ARID1B: variants seen among roughly 807,000 people sequenced by gnomAD.
ARID1B encodes AT-rich interactive domain-containing protein 1B.
A neutral mutation model predicts 212.3 loss-of-function variants in ARID1B; 30 were observed. The ratio of observed to expected loss-of-function variants is 0.14; its 90% confidence interval spans 0.11 to 0.19. The LOEUF is 0.19. ARID1B is among the 10% of genes least tolerant of loss of function. ARID1B has a pLI of 1.00. For synonymous variants in ARID1B, 1,402 were observed against 1,301.7 expected (o/e 1.08, Z -1.66); for missense variants, 2,891 against 3,204.0 (o/e 0.90, Z 2.36).
intron 2 of ARID1B, among the ~76,000 whole-genome samples, chr6:156,832,747 G>C (rs1424913262): frequency 2.0e-5 from 3 of 152,116 alleles, no homozygotes; most frequent in Non-Finnish European, 4.4e-5. Context: ...GAGTATCACT[G>C]TTTATTTTTT....
chr6:157,160,103 C>T (rs939088175), intron 8 of ARID1B, among the ~76,000 whole-genome samples: 4 of 152,150 alleles, frequency 2.6e-5, no homozygotes, highest in Admixed American at 2.0e-4. Flanking sequence ...CAGGCTGCCT[C>T]GAAAACAGGT....
At chr6:156,973,365 CTG>C (rs960935693) in intron 4 of ARID1B, among the ~76,000 whole-genome samples, 48 of 152,208 alleles carry the variant, frequency 3.2e-4, no homozygotes, top group African/African-American at 1.1e-3. Flanking sequence ...GAAGCAGTAA[CTG>C]TTAATAAATG....
intron 4 of ARID1B, among the ~76,000 whole-genome samples, chr6:157,016,203 A>G (rs543364002): frequency 6.6e-6 from 1 of 152,306 alleles, no homozygotes; most frequent in South Asian, 2.1e-4. Context: ...TTTCACGTCA[A>G]TAATCACTGA....
intron 8 of ARID1B, 185 bp from the exon 9 acceptor site, chr6:157,166,855 T>A: frequency 1.6e-6 from 1 of 613,980 alleles, no homozygotes; most frequent in South Asian, 3.0e-5. Context: ...TGTAAAGGGG[T>A]GTATTAAAGA....
chr6:156,944,167 C>T (rs1244612190), intron 4 of ARID1B, among the ~76,000 whole-genome samples: 1 of 152,164 alleles, frequency 6.6e-6, no homozygotes, highest in African/African-American at 2.4e-5. Context: ...CTGATAAAAA[C>T]GGGCCCTTTG....
intron 7 of ARID1B, among the ~76,000 whole-genome samples, chr6:157,137,588 C>T (rs1789026322): frequency 6.6e-6 from 1 of 152,146 alleles, no homozygotes; most frequent in Admixed American, 6.6e-5. Flanking sequence ...ACTGACTATC[C>T]AGAAATACTT....
intron 4 of ARID1B, chr6:156,942,857 G>T (rs943600796): frequency 6.6e-6 from 1 of 152,238 alleles, no homozygotes; most frequent in African/African-American, 2.4e-5. Context: ...TCCAAGTTAG[G>T]TGGGAAATAG....
intron 1 of ARID1B, among the ~76,000 whole-genome samples, chr6:156,796,557 A>G (rs1015449421): frequency 1.5e-4 from 23 of 152,210 alleles, no homozygotes; most frequent in African/African-American, 5.5e-4. Flanking sequence ...TTCAGTAGTA[A>G]TGTATCATTC....
chr6:156,826,580 G>T lies in ARID1B; in HGVS notation c.1792-2647G>T, dbSNP rs531689247. ...GGAAGGCAGAGAAGGGGAAGGACCC[G>T]TGCAGCCTTGGAGTGGGAGTGCCAG... On this transcript the variant is annotated intron_variant, in intron 1 of 19. Transcript: ENST00000636930. Among the ~76,000 whole-genome samples the T allele has an allele frequency of 2.3e-3, 357 of 152,254 alleles. 2 individuals are homozygous for T. Among genetic ancestry groups the T allele is most frequent in the Non-Finnish European group, 3.6e-3 (243 of 68,006 alleles).
At chr6:156,856,802 T>TTGCCTTTGCTTAATGGTAAAATGAA (rs60089699) in intron 2 of ARID1B, among the ~76,000 whole-genome samples, 1 of 150,732 alleles carries the variant, frequency 6.6e-6, no homozygotes, top group African/African-American at 2.4e-5. Flanking sequence ...GAAAAACCCA[T>TTGCCTTTGCTTAATGGTAAAATGAA]TCAGTCATAT....
At chr6:157,183,314 AC>A (rs1792700588) in intron 12 of ARID1B, among the ~76,000 whole-genome samples, 1 of 152,120 alleles carries the variant, frequency 6.6e-6, no homozygotes, top group African/African-American at 2.4e-5. Flanking sequence ...TTTATTATAC[AC>A]CACCGAGTAC....
chr6:156,970,570 A>G (rs1333275161), intron 4 of ARID1B, among the ~76,000 whole-genome samples: 3 of 152,232 alleles, frequency 2.0e-5, no homozygotes, highest in African/African-American at 7.2e-5. Flanking sequence ...GTTCAAAACT[A>G]TTTTATTCCT....
intron 8 of ARID1B, among the ~76,000 whole-genome samples, chr6:157,156,108 G>T (rs2128657919): frequency 6.6e-6 from 1 of 152,228 alleles, no homozygotes; most frequent in Middle Eastern, 3.4e-3. Context: ...CAAAGAGAAG[G>T]GGCAAAAAAC....
chr6:156,810,804 A>C (rs1300180298), intron 1 of ARID1B, among the ~76,000 whole-genome samples: 1 of 152,212 alleles, frequency 6.6e-6, no homozygotes, highest in African/African-American at 2.4e-5. Flanking sequence ...GGGAGGGGCA[A>C]GAGTGAGGAA....
chr6:156,793,705 C>T (rs1039473727), intron 1 of ARID1B, among the ~76,000 whole-genome samples: 2 of 152,154 alleles, frequency 1.3e-5, no homozygotes, highest in African/African-American at 2.4e-5. Flanking sequence ...ATCAGCCTGT[C>T]GTTCTAGTCA....
At chr6:157,140,926 A>G (rs1789299498) in intron 7 of ARID1B, 1 of 355,052 alleles carries the variant, frequency 2.8e-6, no homozygotes, top group Non-Finnish European at 5.0e-6. Flanking sequence ...TGATTTCTTT[A>G]CTTGCCTGTT....
chr6:157,118,997 A>G (rs1300691187), intron 6 of ARID1B, among the ~76,000 whole-genome samples: 1 of 152,178 alleles, frequency 6.6e-6, no homozygotes, highest in African/African-American at 2.4e-5. Flanking sequence ...AGGTAAATTC[A>G]TGGATTTATA....
At chr6:157,070,878 T>A (rs1783967911) in intron 4 of ARID1B, among the ~76,000 whole-genome samples, 1 of 152,162 alleles carries the variant, frequency 6.6e-6, no homozygotes, top group Non-Finnish European at 1.5e-5. Flanking sequence ...CTGGGTTTAT[T>A]TATGACCTTC....
chr6:157,051,088 T>C (rs1397388829), intron 4 of ARID1B, among the ~76,000 whole-genome samples: 2 of 152,240 alleles, frequency 1.3e-5, no homozygotes, highest in Non-Finnish European at 2.9e-5. Context: ...CGCCCAATTA[T>C]GCTGTGATTA....
Sources: allele counts gnomAD v4.1 joint callset (sites outside exome capture counted in the v4.1 genomes callset), GRCh38; gene constraint gnomAD v4.1.1; transcripts MANE v1.5; gene names NCBI Gene and HGNC (gene_info 2026-07-23, HGNC 2026-07-21).